The following PDLIM5 variants were observed in gnomAD, a reference collection of about 807,000 sequenced individuals.
PDLIM5 encodes PDZ and LIM domain protein 5.
In PDLIM5, 34 loss-of-function variants were observed where a neutral mutation model predicts 64.2. The observed-to-expected ratio is 0.53, with a 90% CI of 0.40 to 0.71. The LOEUF (loss-of-function observed/expected upper bound fraction) is 0.71. PDLIM5 is among the 30% of genes least tolerant of loss of function. The pLI, the probability that PDLIM5 is intolerant of heterozygous loss-of-function variation, is 0.00. For missense variants in PDLIM5, 683 were observed against 733.6 expected (o/e 0.93, Z 0.80); for synonymous variants, 253 against 269.1 (o/e 0.94, Z 0.59).
chr4:94,539,511 C>T (rs1405118460), intron 3 of PDLIM5, among the ~76,000 whole-genome samples: 1 of 152,162 alleles, frequency 6.6e-6, no homozygotes, highest in East Asian at 1.9e-4. Flanking sequence ...GCCAGGTCTA[C>T]GGTAGGATTA....
chr4:94,639,066 G>A (rs190184894), intron 8 of PDLIM5, among the ~76,000 whole-genome samples: 1 of 152,230 alleles, frequency 6.6e-6, no homozygotes, highest in African/African-American at 2.4e-5. Flanking sequence ...TGGAGTAGTC[G>A]ACTTCTGGGC....
chr4:94,633,069 T>C (rs1161383322), intron 8 of PDLIM5, among the ~76,000 whole-genome samples: 1 of 152,180 alleles, frequency 6.6e-6, no homozygotes, highest in Non-Finnish European at 1.5e-5. Context: ...TATTTTTAAG[T>C]GTGATAATGG....
intron 3 of PDLIM5, among the ~76,000 whole-genome samples, chr4:94,530,724 C>T (rs1730800226): frequency 6.6e-6 from 1 of 151,986 alleles, no homozygotes; most frequent in Non-Finnish European, 1.5e-5. Flanking sequence ...TTCTGCCTTC[C>T]CCTTCTTCTT....
chr4:94,637,400 A>G (rs1740656703), intron 8 of PDLIM5, among the ~76,000 whole-genome samples: 1 of 152,040 alleles, frequency 6.6e-6, no homozygotes, highest in Admixed American at 6.5e-5. Context: ...CTCTACTAAA[A>G]ATACAAAAAT....
chr4:94,575,794 C>T lies in PDLIM5; in HGVS notation c.470C>T (p.Thr157Ile). ...GCCTTCACCCCAGCCCATGCGACCA[C>T]CTCATCACATGCTTCCCCTTCACCC... ...SSAFTPAHATTSSHASPSPVA... is the reference protein window; with the variant it reads ...SSAFTPAHATISSHASPSPVA... Residue 157 changes from threonine (T) to isoleucine (I), a missense_variant, in exon 5 of 13, where the codon ACC becomes ATC. Coordinates refer to ENST00000317968, the MANE Select transcript of PDLIM5 (RefSeq NM_006457.5). 1.2e-6 allele frequency: 2 copies of T among 1,614,182 alleles called. No homozygotes were observed. Among genetic ancestry groups the T allele is most frequent in the Middle Eastern group, 1.6e-4 (1 of 6,062 alleles).
In PDLIM5 at chr4:94,662,504, C is replaced by T; in HGVS notation, c.1668C>T (p.Gly556=). Reference sequence around the variant, plus strand: ...GTGACATGTTCCTGGAAGCTCTGGGCTACACCTGGCATGACACTTGCTTTG... The same window carrying T: ...GTGACATGTTCCTGGAAGCTCTGGGTTACACCTGGCATGACACTTGCTTTG... ...EAGDMFLEAL[G]YTWHDTCFVC... The change falls in exon 12 of 13, where the codon GGC becomes GGT. Residue 556 remains glycine, a synonymous_variant. Coordinates refer to ENST00000317968, the MANE Select transcript of PDLIM5 (RefSeq NM_006457.5). The T allele has an allele frequency of 1.2e-6, 2 of 1,601,424 alleles. No homozygotes were observed. Among genetic ancestry groups the T allele is most frequent in the Non-Finnish European group, 1.7e-6 (2 of 1,168,506 alleles).
At chr4:94,616,973 C>T (rs1738833721) in intron 7 of PDLIM5, among the ~76,000 whole-genome samples, 1 of 152,222 alleles carries the variant, frequency 6.6e-6, no homozygotes, top group African/African-American at 2.4e-5. Context: ...GAAAAAGGTG[C>T]ATGGGACCAA....
chr4:94,614,590 A>G lies in PDLIM5; in HGVS notation c.921-3414A>G, dbSNP rs532643297. 5.9e-5 allele frequency among the ~76,000 whole-genome samples: 9 copies of G among 152,294 alleles called. No individual in the cohort carries two copies. In the South Asian group the frequency reaches 1.9e-3, roughly 32 times the overall value. ...GTTCAATTAAATTTTATCCTCAGAGAAAATTGAACTTCAGATCAATTCTGG... is the reference window on the plus strand; with the variant it reads ...GTTCAATTAAATTTTATCCTCAGAGGAAATTGAACTTCAGATCAATTCTGG... On this transcript the variant is annotated intron_variant, in intron 7 of 12. Coordinates refer to ENST00000317968, the MANE Select transcript of PDLIM5 (RefSeq NM_006457.5).
chr4:94,542,916 T>C (rs927605957), intron 3 of PDLIM5, among the ~76,000 whole-genome samples: 1 of 152,200 alleles, frequency 6.6e-6, no homozygotes, highest in African/African-American at 2.4e-5. Context: ...ACTGGGGCAC[T>C]AAATACATTT....
Position 94,662,466 on chromosome 4 carries a change from C to A in PDLIM5, c.1630C>A (p.Pro544Thr). Residue 544 changes from proline to threonine, a missense_variant, in exon 12 of 13, where the codon CCC becomes ACC. Physicochemically the swap from Pro to Thr is conservative, Grantham distance 38. Coordinates refer to ENST00000317968, the MANE Select transcript of PDLIM5 (RefSeq NM_006457.5). ...TACTATATGCCATGGATGTGAATTT[C>A]CCATAGAAGCTGGTGACATGTTCCT... The part of the protein sequence containing the change: ...FGTICHGCEF[P>T]IEAGDMFLEA... 1 of 1,604,994 alleles carries A rather than the reference C, an allele frequency of 6.2e-7. No individual in the cohort carries two copies.
At chr4:94,602,477 G>A (rs1737581006) in intron 7 of PDLIM5, among the ~76,000 whole-genome samples, 1 of 149,926 alleles carries the variant, frequency 6.7e-6, no homozygotes, top group African/African-American at 2.5e-5. Flanking sequence ...TTTTGAGACG[G>A]AGTTTCGCTC....
chr4:94,453,006 T>TG (rs1723005263), intron 1 of PDLIM5, among the ~76,000 whole-genome samples: 1 of 152,204 alleles, frequency 6.6e-6, no homozygotes, highest in African/African-American at 2.4e-5. Flanking sequence ...GCCTTTTTTT[T>TG]TGTCACTCTG....
At chr4:94,625,256 T>C (rs1560749198) in intron 8 of PDLIM5, among the ~76,000 whole-genome samples, 1 of 150,732 alleles carries the variant, frequency 6.6e-6, no homozygotes. Context: ...CTTTCTTTAA[T>C]TGTGTGTACA....
intron 8 of PDLIM5, among the ~76,000 whole-genome samples, chr4:94,626,811 G>A (rs983280491): frequency 1.3e-5 from 2 of 151,208 alleles, no homozygotes; most frequent in African/African-American, 4.9e-5. Context: ...TTTTTTGTGA[G>A]AAAGACTCAA....
At chr4:94,504,753 T>C (rs1339508427) in intron 2 of PDLIM5, among the ~76,000 whole-genome samples, 2 of 152,240 alleles carry the variant, frequency 1.3e-5, no homozygotes, top group Non-Finnish European at 2.9e-5. Flanking sequence ...TTGTCTGCCT[T>C]GTGTTTAGAC....
chr4:94,541,258 C>A (rs946272605), intron 3 of PDLIM5, among the ~76,000 whole-genome samples: 1 of 152,188 alleles, frequency 6.6e-6, no homozygotes, highest in African/African-American at 2.4e-5. Flanking sequence ...TGTAAAACCT[C>A]ATTCACACCT....
At chr4:94,597,507 G>A (rs1370319849) in intron 7 of PDLIM5, among the ~76,000 whole-genome samples, 1 of 152,106 alleles carries the variant, frequency 6.6e-6, no homozygotes, top group Non-Finnish European at 1.5e-5. Flanking sequence ...GGGTGATGGT[G>A]AAACTAATAA....
intron 2 of PDLIM5, among the ~76,000 whole-genome samples, chr4:94,470,147 T>G (rs186010878): frequency 1.3e-5 from 2 of 151,796 alleles, no homozygotes; most frequent in East Asian, 3.9e-4. Flanking sequence ...TTTGTATTTT[T>G]AGTAGAGAGG....
intron 10 of PDLIM5, among the ~76,000 whole-genome samples, chr4:94,654,879 C>T (rs1171085675): frequency 6.6e-6 from 1 of 152,084 alleles, no homozygotes; most frequent in Non-Finnish European, 1.5e-5. Flanking sequence ...TGGTGAAAGT[C>T]TAGCCACTGT....
Sources: gnomAD v4.1 joint callset for allele counts (sites outside exome capture counted in the v4.1 genomes callset) on GRCh38, gnomAD v4.1.1 for gene constraint, MANE v1.5 for transcripts, NCBI Gene and HGNC (gene_info 2026-07-23, HGNC 2026-07-21) for gene names.